Variants in CSMD1 observed in about 807,000 individuals in gnomAD.
CSMD1 encodes CUB and sushi domain-containing protein 1.
In CSMD1, 213 loss-of-function variants were observed where a neutral mutation model predicts 417.5. The observed-to-expected ratio is 0.51, with a 90% confidence interval of 0.46 to 0.57. CSMD1 has a LOEUF of 0.57. CSMD1 is among the 20% of genes least tolerant of loss of function. The probability of loss-of-function intolerance (pLI) is 0.00; values close to 1 mark genes in which losing one functional copy is unlikely to be tolerated. For missense variants in CSMD1, 6,923 were observed against 4,529.7 expected (o/e 1.53, Z -15.17); for synonymous variants, 2,862 against 1,736.8 (o/e 1.65, Z -16.11).
chr8:4,153,541 T>G (rs1217117854), intron 3 of CSMD1, among the ~76,000 whole-genome samples: 5 of 152,230 alleles, frequency 3.3e-5, no homozygotes, highest in African/African-American at 1.2e-4. Flanking sequence ...TGGTCCCTCG[T>G]CAGCAGCGGC....
intron 2 of CSMD1, among the ~76,000 whole-genome samples, chr8:4,557,351 G>T (rs1053020184): frequency 1.3e-5 from 2 of 151,818 alleles, no homozygotes; most frequent in African/African-American, 2.4e-5. Flanking sequence ...TCTAGCAGAT[G>T]CCTTGATATG....
intron 5 of CSMD1, among the ~76,000 whole-genome samples, chr8:3,844,269 G>A (rs1466737400): frequency 6.6e-6 from 1 of 152,134 alleles, no homozygotes; most frequent in African/African-American, 2.4e-5. Context: ...ACGGATGGGT[G>A]GGTGATATTT....
At chr8:3,775,301 G>A (rs1018831159) in intron 5 of CSMD1, among the ~76,000 whole-genome samples, 1 of 152,182 alleles carries the variant, frequency 6.6e-6, no homozygotes, top group African/African-American at 2.4e-5. Flanking sequence ...AACAGAAGAT[G>A]AATCCAGGAG....
chr8:2,945,229 C>T (rs747480772), intron 68 of CSMD1, among the ~76,000 whole-genome samples: 5 of 152,116 alleles, frequency 3.3e-5, no homozygotes, highest in South Asian at 2.1e-4. Flanking sequence ...ACAATGTACT[C>T]GTAATATGTG....
At chr8:4,339,917 A>G (rs1264158025) in intron 3 of CSMD1, among the ~76,000 whole-genome samples, 1 of 151,998 alleles carries the variant, frequency 6.6e-6, no homozygotes, top group African/African-American at 2.4e-5. Flanking sequence ...CCTGGCTCCT[A>G]AGGGGCCTGA....
chr8:4,807,872 G>C (rs975459522), intron 1 of CSMD1, among the ~76,000 whole-genome samples: 4 of 152,082 alleles, frequency 2.6e-5, no homozygotes, highest in Non-Finnish European at 4.4e-5. Flanking sequence ...GTAAGAGGAG[G>C]AGTATATTCT....
intron 5 of CSMD1, among the ~76,000 whole-genome samples, chr8:3,807,112 T>G (rs1259747937): frequency 6.6e-6 from 1 of 152,112 alleles, no homozygotes; most frequent in Non-Finnish European, 1.5e-5. Context: ...TTAAATTGAC[T>G]TTAATAGGGC....
intron 12 of CSMD1, among the ~76,000 whole-genome samples, chr8:3,439,310 T>TATATATATATATATATA (rs1491240170): frequency 1.6e-3 from 32 of 20,094 alleles, no homozygotes; most frequent in Non-Finnish European, 2.0e-3. Context: ...TATATATATA[T>TATATATATATATATATA]TTTTTTTTTT....
chr8:3,124,169 T>A (rs1373616410), intron 41 of CSMD1, among the ~76,000 whole-genome samples: 1 of 152,064 alleles, frequency 6.6e-6, no homozygotes, highest in African/African-American at 2.4e-5. Context: ...GATTAGCCCA[T>A]ATGGGCAGTA....
In CSMD1 at chr8:4,768,189, T is replaced by C. The variant is rs1240038835; in HGVS notation, c.86-130631A>G. ...TTAGCAGGACATTGATGGATGACTT[T>C]GGGAAGATGCCTTTTATGTTGGAAT... On this transcript the variant is annotated intron_variant, in intron 1 of 69. Transcript: ENST00000635120. Among the ~76,000 whole-genome samples the C allele has an allele frequency of 3.9e-5, 6 of 152,182 alleles. No homozygotes were observed. In the East Asian group the frequency reaches 1.2e-3, roughly 29 times the overall value.
chr8:4,460,512 G>C (rs190747498), intron 2 of CSMD1, among the ~76,000 whole-genome samples: 2 of 151,836 alleles, frequency 1.3e-5, no homozygotes, highest in African/African-American at 4.8e-5. Context: ...AAAAATGAAC[G>C]TAAGCAAATT....
chr8:3,990,980 G>T (rs536268291), intron 5 of CSMD1, among the ~76,000 whole-genome samples: 37 of 152,274 alleles, frequency 2.4e-4, no homozygotes, highest in African/African-American at 8.9e-4. Context: ...GAGAGAAAAT[G>T]TGTCTTGCAA....
At chr8:4,551,916 G>C (rs745881816) in intron 2 of CSMD1, among the ~76,000 whole-genome samples, 3 of 150,528 alleles carry the variant, frequency 2.0e-5, no homozygotes, top group Non-Finnish European at 4.4e-5. Flanking sequence ...CAAACTTCTG[G>C]ACTCAAGCAA....
intron 7 of CSMD1, among the ~76,000 whole-genome samples, chr8:3,664,629 A>C (rs532578143): frequency 1.2e-4 from 18 of 152,320 alleles, no homozygotes; most frequent in African/African-American, 4.3e-4. Context: ...CACCATTTCA[A>C]AGGCTCCGCC....
chr8:3,323,446 A>G (rs1245192656), intron 23 of CSMD1, among the ~76,000 whole-genome samples: 2 of 149,970 alleles, frequency 1.3e-5, no homozygotes, highest in Admixed American at 6.8e-5. Context: ...TCCATTCTGA[A>G]CCCCTCTCTC....
At chr8:3,452,008 G>T (rs74645534) in intron 12 of CSMD1, among the ~76,000 whole-genome samples, 100,953 of 151,958 alleles carry the variant, frequency 0.66, 33,684 homozygotes, top group Middle Eastern at 0.76. Context: ...GTGGTTTGTA[G>T]TTCTCCTCGA....
intron 5 of CSMD1, among the ~76,000 whole-genome samples, chr8:3,945,303 A>G (rs1426068396): frequency 6.6e-6 from 1 of 152,132 alleles, no homozygotes; most frequent in Non-Finnish European, 1.5e-5. Context: ...CACTAGTTTA[A>G]TAAGAAATTA....
chr8:2,990,121 C>T (rs1217599698), intron 54 of CSMD1, among the ~76,000 whole-genome samples: 2 of 152,198 alleles, frequency 1.3e-5, no homozygotes, highest in Non-Finnish European at 2.9e-5. Context: ...ATGGTTCCTT[C>T]AGTCATGCAA....
chr8:4,238,381 C>G (rs958758984), intron 3 of CSMD1, among the ~76,000 whole-genome samples: 1 of 152,158 alleles, frequency 6.6e-6, no homozygotes, highest in Non-Finnish European at 1.5e-5. Context: ...CAAAGCACAT[C>G]TGCTAACTCC....
Sources: allele counts gnomAD v4.1 joint callset (sites outside exome capture counted in the v4.1 genomes callset), GRCh38; gene constraint gnomAD v4.1.1; transcripts MANE v1.5; gene names NCBI Gene and HGNC (gene_info 2026-07-23, HGNC 2026-07-21).